TSHZ2: variants seen among roughly 807,000 people sequenced by gnomAD.
The protein encoded by TSHZ2 is teashirt homolog 2.
A neutral mutation model predicts 74.4 loss-of-function variants in TSHZ2; 21 were observed. The observed-to-expected ratio is 0.28, with a 90% CI of 0.20 to 0.41. The LOEUF is 0.41. Ranked by LOEUF, TSHZ2 falls within the 10% of genes least tolerant of loss-of-function variation. TSHZ2 has a pLI of 1.00. For missense variants in TSHZ2, 1,244 were observed against 1,293.5 expected (o/e 0.96, Z 0.59); for synonymous variants, 540 against 515.3 (o/e 1.05, Z -0.65).
intron 1 of TSHZ2, among the ~76,000 whole-genome samples, chr20:53,053,142 G>A (rs142918880): frequency 2.6e-5 from 4 of 152,206 alleles, no homozygotes; most frequent in African/African-American, 4.8e-5. Flanking sequence ...GGAGTTCTAC[G>A]CTATGTGATC....
intron 1 of TSHZ2, among the ~76,000 whole-genome samples, chr20:53,211,977 A>C (rs1459742080): frequency 2.6e-5 from 4 of 152,120 alleles, no homozygotes; most frequent in African/African-American, 9.7e-5. Context: ...TGAAGACAAA[A>C]CTGCTGATGG....
At chr20:53,310,477 G>T (rs1978734023) in intron 2 of TSHZ2, among the ~76,000 whole-genome samples, 1 of 152,204 alleles carries the variant, frequency 6.6e-6, no homozygotes, top group African/African-American at 2.4e-5. Context: ...TGTGCATAAG[G>T]AGTCCAGGCA....
intron 1 of TSHZ2, among the ~76,000 whole-genome samples, chr20:53,215,855 C>G (rs1311639616): frequency 3.2e-5 from 4 of 123,336 alleles, no homozygotes; most frequent in African/African-American, 1.3e-4. Context: ...GCAACAGGAG[C>G]AAAACTCCGT....
At chr20:53,009,373 A>G (rs1439883086) in intron 1 of TSHZ2, among the ~76,000 whole-genome samples, 1 of 152,034 alleles carries the variant, frequency 6.6e-6, no homozygotes, top group African/African-American at 2.4e-5. Flanking sequence ...ATATACAAGC[A>G]ATATCCTGTA....
rs950861021 is a variant in TSHZ2 at position 53,175,097 on chromosome 20, C to T, written c.41-78402C>T. Among the ~76,000 whole-genome samples, 10 of 129,260 alleles carry T rather than the reference C, an allele frequency of 7.7e-5. No homozygotes were observed. The East Asian group carries it at 2.4e-3, about 31-fold the overall frequency. 84.8% of individuals were successfully genotyped at this position (129,260 alleles called of 152,430 possible). ...CCTGACTATGTTATAGCTCCCTGGG[C>T]TTTTTCTTCTCCTTCTCCTCCTTCT... On this transcript the variant is annotated intron_variant, in intron 1 of 2. Coordinates refer to ENST00000371497, the MANE Select transcript of TSHZ2 (RefSeq NM_173485.6).
chr20:53,089,082 G>A (rs575734725), intron 1 of TSHZ2, among the ~76,000 whole-genome samples: 18 of 151,848 alleles, frequency 1.2e-4, no homozygotes, highest in Admixed American at 9.8e-4. Flanking sequence ...CTGGCGCTCC[G>A]CAATCCTCTC....
At chr20:53,457,595 G>A in intron 2 of TSHZ2, among the ~76,000 whole-genome samples, 1 of 132,344 alleles carries the variant, frequency 7.6e-6, no homozygotes, top group Non-Finnish European at 1.6e-5. Context: ...CCAACACTAT[G>A]TTGAATAGGA....
chr20:53,333,793 C>G (rs1467737159), intron 2 of TSHZ2, among the ~76,000 whole-genome samples: 1 of 152,164 alleles, frequency 6.6e-6, no homozygotes, highest in Non-Finnish European at 1.5e-5. Context: ...CTACATAGCT[C>G]TTATGTTTCC....
chr20:53,328,097 G>A (rs1293580568), intron 2 of TSHZ2, among the ~76,000 whole-genome samples: 7 of 152,092 alleles, frequency 4.6e-5, no homozygotes, highest in African/African-American at 1.7e-4. Flanking sequence ...ATACATTGAG[G>A]GACGATAAAC....
chr20:53,216,456 C>T (rs1989435712), intron 1 of TSHZ2, among the ~76,000 whole-genome samples: 1 of 152,186 alleles, frequency 6.6e-6, no homozygotes, highest in Non-Finnish European at 1.5e-5. Context: ...CACTGAAGGC[C>T]ACAAATGTGA....
rs1477473263 is a variant in TSHZ2 at position 53,458,125 on chromosome 20, G to C, written c.*9-29019G>C. On this transcript the variant is annotated intron_variant, in intron 2 of 2. Transcript: ENST00000371497. Reference sequence around the variant, plus strand: ...TTTTCTATTGATTGGAATAGTTTCAGAAGGAATGGTACCAGTTCCTCCTTG... The same window carrying C: ...TTTTCTATTGATTGGAATAGTTTCACAAGGAATGGTACCAGTTCCTCCTTG... Among the ~76,000 whole-genome samples, 3 of 151,710 alleles carry C rather than the reference G, an allele frequency of 2.0e-5. No homozygotes were observed. The East Asian group carries it at 5.8e-4, about 29-fold the overall frequency.
intron 1 of TSHZ2, among the ~76,000 whole-genome samples, chr20:53,082,820 A>G (rs543439925): frequency 6.6e-6 from 1 of 152,362 alleles, no homozygotes; most frequent in African/African-American, 2.4e-5. Flanking sequence ...GGTGTTGGCT[A>G]TTTAAAGCAG....
At chr20:53,316,793 A>G (rs1979042920) in intron 2 of TSHZ2, among the ~76,000 whole-genome samples, 2 of 152,126 alleles carry the variant, frequency 1.3e-5, no homozygotes, top group Admixed American at 1.3e-4. Flanking sequence ...GGCTGACACT[A>G]TTTACTATCT....
At chr20:53,351,281 A>C (rs1980636912) in intron 2 of TSHZ2, among the ~76,000 whole-genome samples, 1 of 152,164 alleles carries the variant, frequency 6.6e-6, no homozygotes. Context: ...CAGCAATAGA[A>C]TATTTTGCAT....
intron 2 of TSHZ2, among the ~76,000 whole-genome samples, chr20:53,392,443 C>A (rs1427914400): frequency 1.3e-5 from 2 of 151,678 alleles, no homozygotes; most frequent in African/African-American, 4.8e-5. Context: ...GACTCTGTCT[C>A]AAAAACAAAC....
chr20:53,118,607 A>G (rs183869823), intron 1 of TSHZ2, among the ~76,000 whole-genome samples: 46 of 152,228 alleles, frequency 3.0e-4, no homozygotes, highest in African/African-American at 9.1e-4. Flanking sequence ...GTGTATCCCA[A>G]TGTCAGCCAG....
chr20:53,211,730 A>G (rs564785686), intron 1 of TSHZ2, among the ~76,000 whole-genome samples: 5 of 152,186 alleles, frequency 3.3e-5, no homozygotes, highest in African/African-American at 1.2e-4. Flanking sequence ...AATAATAAAG[A>G]AGAACTTTTA....
intron 2 of TSHZ2, among the ~76,000 whole-genome samples, chr20:53,342,338 T>A (rs139172260): frequency 0.032 from 4,833 of 149,692 alleles, 123 homozygotes; most frequent in Non-Finnish European, 0.048. Flanking sequence ...CTTGACTGTT[T>A]TAAGGCGTAC....
chr20:53,142,601 A>C (rs944954400), intron 1 of TSHZ2, among the ~76,000 whole-genome samples: 1 of 152,244 alleles, frequency 6.6e-6, no homozygotes, highest in Non-Finnish European at 1.5e-5. Context: ...ACATGTTCAG[A>C]TATTCTGATC....
Sources: allele counts gnomAD v4.1 joint callset (sites outside exome capture counted in the v4.1 genomes callset), GRCh38; gene constraint gnomAD v4.1.1; transcripts MANE v1.5; gene names NCBI Gene and HGNC (gene_info 2026-07-23, HGNC 2026-07-21).